RNF217: variants seen among roughly 807,000 people sequenced by gnomAD.
RNF217 encodes ring finger protein 217, also known as E3 ubiquitin-protein ligase RNF217.
RNF217 carries 31 observed loss-of-function variants against 57.8 expected under a neutral mutation model. That is an observed-to-expected ratio of 0.54 (90% CI 0.40 to 0.72). The LOEUF is 0.72. Among genes scored for constraint, RNF217 ranks in the 30% least tolerant of loss-of-function variants. The pLI is 0.00. For missense variants in RNF217, 696 were observed against 708.3 expected, an observed-to-expected ratio of 0.98 and a Z score of 0.20; for synonymous variants, 313 against 294.0, an observed-to-expected ratio of 1.06 and a Z score of -0.66.
At chr6:125,023,343 A>G (rs1214540491) in intron 1 of RNF217, among the ~76,000 whole-genome samples, 3 of 152,206 alleles carry the variant, frequency 2.0e-5, no homozygotes, top group Non-Finnish European at 4.4e-5. Context: ...ACATTTTCAC[A>G]TGGAGGGAGT....
intron 2 of RNF217, among the ~76,000 whole-genome samples, chr6:125,048,891 C>T (rs114504717): frequency 0.016 from 2,432 of 152,072 alleles, 75 homozygotes; most frequent in African/African-American, 0.056. Context: ...TTCTGAACAT[C>T]GTCAAACTCA....
intron 3 of RNF217, among the ~76,000 whole-genome samples, chr6:125,073,488 C>T (rs1208911067): frequency 6.6e-6 from 1 of 152,158 alleles, no homozygotes; most frequent in Non-Finnish European, 1.5e-5. Context: ...ACAGGCCTTG[C>T]AAAACCTGGA....
intron 1 of RNF217, among the ~76,000 whole-genome samples, chr6:125,030,716 G>C (rs954067467): frequency 1.6e-4 from 24 of 152,104 alleles, no homozygotes; most frequent in Admixed American, 5.9e-4. Flanking sequence ...CTCCCTCCTG[G>C]CTGTTTTCAT....
At chr6:125,070,147 C>T (rs1324557234) in intron 3 of RNF217, among the ~76,000 whole-genome samples, 4 of 152,254 alleles carry the variant, frequency 2.6e-5, no homozygotes, top group South Asian at 2.1e-4. Flanking sequence ...GAGTAATGGC[C>T]TCCAGCTCCA....
intron 5 of RNF217, 51 bp downstream of exon 5, chr6:125,081,558 G>C (rs1473779950): frequency 1.4e-6 from 2 of 1,387,952 alleles, no homozygotes; most frequent in East Asian, 4.6e-5. Flanking sequence ...GGGCCATAGA[G>C]AGAATACGAG....
rs1397531470 is a variant in RNF217, at chr6:125,085,579, G to A, written c.*2642G>A. 1.3e-5 allele frequency: 2 copies of A among 151,696 alleles called. No individual in the cohort carries two copies. Among genetic ancestry groups the A allele is most frequent in the African/African-American group, 4.8e-5 (2 of 41,358 alleles). 9.4% of individuals were successfully genotyped at this position (151,696 alleles called of 1,614,324 possible). Reference sequence around the variant, plus strand: ...TCTAAAAACTACTTTAAAAAGAAGCGTGCACATAAAATAAATATCTTTCTA... The same window carrying A: ...TCTAAAAACTACTTTAAAAAGAAGCATGCACATAAAATAAATATCTTTCTA... On this transcript the variant is annotated 3_prime_UTR_variant, in exon 6 of 6. Transcript: ENST00000521654.
intron 1 of RNF217, among the ~76,000 whole-genome samples, chr6:125,037,762 T>C (rs1360708220): frequency 6.6e-6 from 1 of 152,168 alleles, no homozygotes; most frequent in Non-Finnish European, 1.5e-5. Context: ...TTGTGATTAT[T>C]GTTACTGCTT....
At chr6:124,998,321 TAACA>T (rs1187820207) in intron 1 of RNF217, among the ~76,000 whole-genome samples, 3 of 152,190 alleles carry the variant, frequency 2.0e-5, no homozygotes. Context: ...TCAGATTCTC[TAACA>T]GAGGTACAAA....
intron 1 of RNF217, among the ~76,000 whole-genome samples, chr6:124,973,878 G>T (rs1783855411): frequency 6.6e-6 from 1 of 152,172 alleles, no homozygotes; most frequent in South Asian, 2.1e-4. Context: ...ATTTGGGAAG[G>T]CCTCAGCCAG....
intron 1 of RNF217, among the ~76,000 whole-genome samples, chr6:125,041,751 G>T (rs193182977): frequency 1.7e-4 from 26 of 151,834 alleles, no homozygotes; most frequent in African/African-American, 4.8e-4. Flanking sequence ...TTGTTTATTT[G>T]CTTGTTTACT....
chr6:124,965,311 C>T (rs1214013114), intron 1 of RNF217, among the ~76,000 whole-genome samples: 5 of 152,154 alleles, frequency 3.3e-5, no homozygotes, highest in Admixed American at 6.5e-5. Context: ...CGGTGGCTCA[C>T]GCCTGTAATC....
intron 3 of RNF217, among the ~76,000 whole-genome samples, chr6:125,076,118 AAAT>A (rs1788357173): frequency 6.6e-6 from 1 of 152,178 alleles, no homozygotes; most frequent in Non-Finnish European, 1.5e-5. Context: ...ACACATTTAC[AAAT>A]AATATTAGAG....
intron 3 of RNF217, among the ~76,000 whole-genome samples, chr6:125,061,218 A>G (rs1787721014): frequency 6.6e-6 from 1 of 152,080 alleles, no homozygotes; most frequent in East Asian, 1.9e-4. Flanking sequence ...AGAATACCTA[A>G]GTTTTTAGTA....
At chr6:125,000,498 T>A (rs1028949984) in intron 1 of RNF217, among the ~76,000 whole-genome samples, 1 of 151,998 alleles carries the variant, frequency 6.6e-6, no homozygotes, top group Non-Finnish European at 1.5e-5. Flanking sequence ...TATAATATTC[T>A]ATAAAGAAAA....
At chr6:125,007,949 A>C (rs1033903041) in intron 1 of RNF217, among the ~76,000 whole-genome samples, 1 of 152,190 alleles carries the variant, frequency 6.6e-6, no homozygotes, top group African/African-American at 2.4e-5. Flanking sequence ...AAAAGTTGTA[A>C]AAATATGCTA....
At chr6:125,054,228 A>C (rs1787437275) in intron 2 of RNF217, among the ~76,000 whole-genome samples, 1 of 152,158 alleles carries the variant, frequency 6.6e-6, no homozygotes, top group Non-Finnish European at 1.5e-5. Context: ...GGAGCATTTG[A>C]TCAAGATAAG....
At chr6:125,013,309 G>C (rs148095638) in intron 1 of RNF217, among the ~76,000 whole-genome samples, 8 of 151,392 alleles carry the variant, frequency 5.3e-5, no homozygotes, top group Non-Finnish European at 1.2e-4. Flanking sequence ...GGAAGGGTAG[G>C]AATAGGCCAA....
At chr6:124,963,471 T>C (rs2114966860) in intron 1 of RNF217, 45 bp downstream of exon 1, 1 of 1,432,640 alleles carries the variant, frequency 7.0e-7, no homozygotes, top group Non-Finnish European at 9.1e-7. Flanking sequence ...TCCAAATCAC[T>C]GGCGAGGAGG....
At chr6:124,985,015 A>G (rs1290335852) in intron 1 of RNF217, among the ~76,000 whole-genome samples, 1 of 152,232 alleles carries the variant, frequency 6.6e-6, no homozygotes, top group Non-Finnish European at 1.5e-5. Flanking sequence ...GCAAAGTTTA[A>G]TGACATTAAT....
Sources: allele counts gnomAD v4.1 joint callset (sites outside exome capture counted in the v4.1 genomes callset), GRCh38; gene constraint gnomAD v4.1.1; transcripts MANE v1.5; gene names NCBI Gene and HGNC (gene_info 2026-07-23, HGNC 2026-07-21).